Variants in DET1 observed in about 807,000 individuals in gnomAD.
DET1 encodes DET1 partner of COP1 E3 ubiquitin ligase.
DET1 carries 22 observed loss-of-function variants against 43.7 expected under a neutral mutation model. The observed-to-expected ratio is 0.50, with a 90% confidence interval of 0.36 to 0.72. The LOEUF (loss-of-function observed/expected upper bound fraction) is 0.72. Among genes scored for constraint, DET1 ranks in the 30% least tolerant of loss-of-function variants. The pLI, the probability that DET1 is intolerant of heterozygous loss-of-function variation, is 0.00. For synonymous variants in DET1, 315 were observed against 266.2 expected, an observed-to-expected ratio of 1.18 and a Z score of -1.79; for missense variants, 713 against 713.3, an observed-to-expected ratio of 1.00 and a Z score of 0.00.
downstream of DET1, among the ~76,000 whole-genome samples, chr15:88,511,098 T>C (rs1475916938): frequency 6.6e-6 from 1 of 152,116 alleles, no homozygotes; most frequent in Non-Finnish European, 1.5e-5. Context: ...AATACATAAT[T>C]AGAATCATCA....
chr15:88,511,951 T>C (rs1306011303), downstream of DET1, among the ~76,000 whole-genome samples: 2 of 152,200 alleles, frequency 1.3e-5, no homozygotes, highest in African/African-American at 2.4e-5. Context: ...ACAAGCCTAC[T>C]ACACTACTGG....
At chr15:88,532,099 C>T (rs928001764) in intron 1 of DET1, among the ~76,000 whole-genome samples, 2 of 152,152 alleles carry the variant, frequency 1.3e-5, no homozygotes, top group African/African-American at 2.4e-5. Flanking sequence ...CTCACTAGTT[C>T]AAGCCCAGCC....
chr15:88,522,160 T>C (rs958475402), intron 3 of DET1, among the ~76,000 whole-genome samples: 9 of 152,196 alleles, frequency 5.9e-5, no homozygotes, highest in Non-Finnish European at 1.2e-4. Flanking sequence ...TAAGTTTTAA[T>C]AACGACTTTG....
At position 88,530,793 on chromosome 15, in the gene DET1, G is replaced by T. The variant is rs781251361; in HGVS notation, c.913C>A (p.Arg305Ser). 1.2e-6 allele frequency: 2 copies of T among 1,613,778 alleles called. No homozygotes were observed. Among genetic ancestry groups the T allele is most frequent in the Non-Finnish European group, 1.7e-6 (2 of 1,179,852 alleles). The change falls in exon 2 of 5, where the codon CGC (arginine) becomes AGC (serine). Residue 305 changes from arginine (R) to serine (S), a missense_variant. Arg to Ser is a moderately radical substitution (Grantham distance 110). Transcript: ENST00000268148. Reference sequence around the variant, plus strand: ...GCACTACCATCCTGTTCTGCCCGGCGCCACAAATATACCAGCAACCGGTGT... The same window carrying T: ...GCACTACCATCCTGTTCTGCCCGGCTCCACAAATATACCAGCAACCGGTGT... ...LKHRLLVYLW[R>S]RAEQDGSAMA... is the part of the protein sequence containing the mutation.
chr15:88,543,311 C>T (rs2057160457), intron 1 of DET1, among the ~76,000 whole-genome samples: 2 of 152,212 alleles, frequency 1.3e-5, no homozygotes, highest in African/African-American at 4.8e-5. Context: ...TAAGTTAATT[C>T]TGGGCCAGGA....
chr15:88,546,660 G>GT lies in DET1; in HGVS notation c.-132dup, dbSNP rs1567079509. Reference sequence around the variant, plus strand: ...CCTGCACCCGCGGCTGCACGTTCCCGTTTCCGCCAGCCACCGGAACTGCGG... The same window carrying GT: ...CCTGCACCCGCGGCTGCACGTTCCCGTTTTCCGCCAGCCACCGGAACTGCGG... On this transcript the variant is annotated 5_prime_UTR_variant, in exon 1 of 5. Transcript: ENST00000268148. 2 of 147,144 alleles carry GT rather than the reference G, an allele frequency of 1.4e-5. No homozygotes were observed. The highest frequency in any genetic ancestry group is 5.0e-5 in the African/African-American group (2 of 40,390). The allele number at this position is 147,144 out of a possible 1,614,324, so 9.1% of individuals were successfully genotyped here.
intron 1 of DET1, among the ~76,000 whole-genome samples, chr15:88,540,851 G>C (rs2057087798): frequency 7.8e-6 from 1 of 128,832 alleles, no homozygotes; most frequent in African/African-American, 3.3e-5. Flanking sequence ...ACTGTGGAAG[G>C]CCGCAGGGAC....
intron 3 of DET1, among the ~76,000 whole-genome samples, chr15:88,524,048 G>C (rs527978183): frequency 6.5e-4 from 97 of 149,274 alleles, no homozygotes; most frequent in Non-Finnish European, 9.8e-4. Context: ...GTCTCTGCCC[G>C]GCCGCCCATC....
At chr15:88,544,167 G>T (rs1445976351) in intron 1 of DET1, among the ~76,000 whole-genome samples, 1 of 152,314 alleles carries the variant, frequency 6.6e-6, no homozygotes, top group Middle Eastern at 3.4e-3. Flanking sequence ...AGCTCAGTGG[G>T]TCAGTTAGGC....
intron 1 of DET1, among the ~76,000 whole-genome samples, chr15:88,545,293 G>T (rs2057221607): frequency 2.0e-5 from 3 of 152,072 alleles, no homozygotes; most frequent in African/African-American, 7.2e-5. Context: ...ATAAATAATA[G>T]AAATAAAAAT....
intron 3 of DET1, among the ~76,000 whole-genome samples, chr15:88,523,701 G>A (rs7402681): frequency 6.6e-6 from 1 of 151,876 alleles, no homozygotes; most frequent in African/African-American, 2.4e-5. Context: ...TCGGCCTCCC[G>A]AGGTGCTGGG....
At chr15:88,506,114 G>A (rs1008616243) in intron 7 of DET1, among the ~76,000 whole-genome samples, 2 of 152,300 alleles carry the variant, frequency 1.3e-5, no homozygotes, top group South Asian at 2.1e-4. Context: ...TTACAGAGAG[G>A]GGAGAAGGCA....
intron 3 of DET1, 118 bp downstream of exon 3, chr15:88,527,481 G>T: frequency 1.1e-6 from 1 of 887,306 alleles, no homozygotes; most frequent in Non-Finnish European, 1.6e-6. Context: ...GTTATAATAA[G>T]CAGAATAACC....
chr15:88,529,021 C>T (rs1055616075), intron 2 of DET1, among the ~76,000 whole-genome samples: 3 of 152,120 alleles, frequency 2.0e-5, no homozygotes, highest in Non-Finnish European at 4.4e-5. Context: ...ACAACTGGGG[C>T]AGAAAGATTG....
rs1204286085 is a variant in DET1, at chr15:88,530,776, A to G, written c.930T>C (p.Asp310=). Residue 310 remains aspartate (D), a synonymous_variant, in exon 2 of 5, where the codon GAT becomes GAC. Coordinates refer to ENST00000268148, the MANE Select transcript of DET1 (RefSeq NM_001144074.3). The part of the protein sequence containing the change: ...LVYLWRRAEQ[D]GSAMAKRRFF... ...AGCGCCTCTTGGCCATTGCACTACC[A>G]TCCTGTTCTGCCCGGCGCCACAAAT... 5 of 1,613,918 alleles carry G rather than the reference A, an allele frequency of 3.1e-6. No individual in the cohort carries two copies.
intron 1 of DET1, among the ~76,000 whole-genome samples, chr15:88,543,849 C>G (rs1466832727): frequency 6.6e-6 from 1 of 152,182 alleles, no homozygotes; most frequent in Non-Finnish European, 1.5e-5. Flanking sequence ...GATCAAGCAG[C>G]TCTCCAGTGC....
chr15:88,511,636 T>C (rs540894380), downstream of DET1: 472 of 981,742 alleles, frequency 4.8e-4, 1 homozygote, highest in Non-Finnish European at 5.5e-4. Context: ...TAATAATCTG[T>C]CTATTTCTCT....
rs1392598184 is a variant in DET1, at chr15:88,530,675, A to G, written c.1031T>C (p.Ile344Thr). Residue 344 changes from isoleucine to threonine, a missense_variant, in exon 2 of 5, where the codon ATC becomes ACC. Physicochemically the swap from Ile to Thr is moderately conservative, Grantham distance 89 (BLOSUM62 -1). Coordinates refer to ENST00000268148, the MANE Select transcript of DET1 (RefSeq NM_001144074.3). The part of the protein sequence containing the change: ...MQLLDENHLF[I>T]KYTSEDVVTL... ...TACTACATCCTCACTAGTGTACTTG[A>G]TAAACAGGTGGTTTTCATCCAGAAG... 2.5e-6 allele frequency: 4 copies of G among 1,613,834 alleles called. No homozygotes were observed. The highest frequency in any genetic ancestry group is 3.4e-6 in the Non-Finnish European group (4 of 1,179,796).
At chr15:88,525,758 C>A (rs1356550726) in intron 3 of DET1, among the ~76,000 whole-genome samples, 1 of 151,536 alleles carries the variant, frequency 6.6e-6, no homozygotes, top group Non-Finnish European at 1.5e-5. Context: ...GCCTCCCAGG[C>A]TCAAGTGATC....
Sources: gnomAD v4.1 joint callset for allele counts (sites outside exome capture counted in the v4.1 genomes callset) on GRCh38, gnomAD v4.1.1 for gene constraint, MANE v1.5 for transcripts, NCBI Gene and HGNC (gene_info 2026-07-23, HGNC 2026-07-21) for gene names.